GART: variants seen among roughly 807,000 people sequenced by gnomAD.
GART encodes the protein trifunctional purine biosynthetic protein adenosine-3.
A neutral mutation model predicts 107.2 loss-of-function variants in GART; 43 were observed. The ratio of observed to expected loss-of-function variants is 0.40; its 90% confidence interval spans 0.31 to 0.52. The LOEUF (loss-of-function observed/expected upper bound fraction) is 0.52. Among genes scored for constraint, GART ranks in the 20% least tolerant of loss-of-function variants. The probability of loss-of-function intolerance (pLI) is 0.52; values close to 1 mark genes in which losing one functional copy is unlikely to be tolerated. For synonymous variants in GART, 434 were observed against 427.0 expected (o/e 1.02, Z -0.20); for missense variants, 1,107 against 1,206.5 (o/e 0.92, Z 1.22).
intron 7 of GART, among the ~76,000 whole-genome samples, chr21:33,530,517 A>C (rs2085165293): frequency 6.6e-6 from 1 of 152,246 alleles, no homozygotes; most frequent in African/African-American, 2.4e-5. Context: ...AGAGGAGGGA[A>C]TAGGAGGATC....
chr21:33,517,004 G>T lies in GART; in HGVS notation c.2092C>A (p.Leu698Ile). ...ENIPRVLPEK[L>I]GVDLDAQTWR... ...GTGATCTTACCTAAATCTACCCCAA[G>T]TTTCTCAGGGAGGACTCTGGGGATG... is the stretch of plus-strand genomic sequence containing the variant. The change falls in exon 16 of 22, where the codon CTT becomes ATT. Residue 698 changes from leucine to isoleucine, a missense_variant. Physicochemically the swap from Leu to Ile is conservative, Grantham distance 5. Coordinates refer to ENST00000381815, the MANE Select transcript of GART (RefSeq NM_000819.5). 3 of 1,599,234 alleles carry T rather than the reference G, an allele frequency of 1.9e-6. No individual in the cohort carries two copies. Among genetic ancestry groups the T allele is most frequent in the Non-Finnish European group, 2.6e-6 (3 of 1,176,338 alleles).
chr21:33,514,199 T>G (rs941152708), intron 16 of GART, among the ~76,000 whole-genome samples: 5 of 152,076 alleles, frequency 3.3e-5, no homozygotes, highest in Non-Finnish European at 5.9e-5. Flanking sequence ...ACCCAGGACG[T>G]TGGGGCAATA....
chr21:33,504,255 T>G lies in GART; in HGVS notation c.2902A>C (p.Thr968Pro), dbSNP rs1304093831. Residue 968 changes from threonine to proline, a missense_variant, in exon 22 of 22, where the codon ACT becomes CCT. Physicochemically the swap from Thr to Pro is conservative, Grantham distance 38. Transcript: ENST00000381815. Reference protein sequence around the residue: ...QEAVPVKRGDTVATLSERVKL... With the variant: ...QEAVPVKRGDPVATLSERVKL... ...ACTCTTTCAGAAAGAGTTGCGACAG[T>G]ATCACCCCTCTTCACGGGAACAGCT... 4.3e-6 allele frequency: 7 copies of G among 1,614,102 alleles called. No homozygotes were observed. Among genetic ancestry groups the G allele is most frequent in the Non-Finnish European group, 5.9e-6 (7 of 1,180,038 alleles).
At chr21:33,520,017 TG>T (rs1334462516) in intron 14 of GART, among the ~76,000 whole-genome samples, 2 of 151,966 alleles carry the variant, frequency 1.3e-5, no homozygotes, top group Non-Finnish European at 2.9e-5. Flanking sequence ...GCCTGTACCG[TG>T]GGGTCAATAA....
intron 5 of GART, 64 bp from the exon 6 acceptor site, chr21:33,531,621 T>G: frequency 7.0e-7 from 1 of 1,431,864 alleles, no homozygotes; most frequent in South Asian, 1.2e-5. Flanking sequence ...TTTTGATACT[T>G]AGTTGACTTT....
intron 11 of GART, chr21:33,524,548 G>A (rs2085032775): frequency 8.1e-7 from 1 of 1,238,166 alleles, no homozygotes; most frequent in Non-Finnish European, 1.0e-6. Flanking sequence ...CAGTACCACT[G>A]TGATTTTGCT....
chr21:33,528,853 T>C lies in GART; in HGVS notation c.808A>G (p.Thr270Ala). 6.2e-7 allele frequency: 1 copy of C among 1,608,214 alleles called. No individual in the cohort carries two copies. The highest frequency in any genetic ancestry group is 1.1e-5 in the South Asian group (1 of 90,932). The change falls in exon 8 of 22, where the codon ACA becomes GCA. Residue 270 changes from threonine (T) to alanine (A), a missense_variant. Transcript: ENST00000381815. The part of the protein sequence containing the change: ...DGMQQEGTPY[T>A]GILYAGIMLT... ...ATAGTAATGTGGGTGGGCCTACCTG[T>C]ATATGGAGTACCCTCTTGCTGCATG...
intron 2 of GART, 108 bp downstream of exon 2, chr21:33,539,063 A>T: frequency 9.4e-7 from 1 of 1,062,430 alleles, no homozygotes. Context: ...TACAGGCATT[A>T]GCCACTGTGC....
Position 33,524,797 on chromosome 21 carries a change from G to A in GART, c.1270C>T (p.Arg424Cys), listed in dbSNP as rs1291732202. 2.4e-5 allele frequency: 39 copies of A among 1,614,106 alleles called. No homozygotes were observed. The highest frequency in any genetic ancestry group is 3.2e-5 in the Non-Finnish European group (38 of 1,180,040). The change falls in exon 11 of 22, where the codon CGT (arginine) becomes TGT (cysteine). Residue 424 changes from arginine (R) to cysteine (C), a missense_variant. Physicochemically the swap from Arg to Cys is radical, Grantham distance 180. Transcript: ENST00000381815. ...GAIYRKDVGF[R>C]AIAFLQQPRS... ...GGCTGCTGGAGGAAAGCTATGGCAC[G>A]AAAGCCGACGTCTTTCCTATAAATT...
intron 16 of GART, among the ~76,000 whole-genome samples, chr21:33,516,216 C>A (rs1043716800): frequency 6.9e-6 from 1 of 145,154 alleles, no homozygotes; most frequent in African/African-American, 2.6e-5. Context: ...CCACTATACT[C>A]CAGCCTGGGC....
intron 11 of GART, chr21:33,524,293 T>C: frequency 6.1e-6 from 6 of 984,540 alleles, no homozygotes; most frequent in Non-Finnish European, 7.2e-6. Context: ...CTCATGCCTA[T>C]AATCCCAGCA....
chr21:33,520,807 C>T, intron 13 of GART, 99 bp downstream of exon 13: 1 of 914,400 alleles, frequency 1.1e-6, no homozygotes, highest in South Asian at 1.6e-5. Flanking sequence ...TGGCATGGTC[C>T]TTTTTAGCTC....
upstream of GART, chr21:33,542,559 CAG>C (rs2085469833): frequency 6.4e-6 from 1 of 156,044 alleles, no homozygotes; most frequent in South Asian, 1.6e-4. Context: ...GGGGAAGACA[CAG>C]GGCAACAGCG....
In GART at chr21:33,534,758, T is replaced by G. The variant is rs1159540057; in HGVS notation, c.242-5A>C. The G allele has an allele frequency of 6.4e-7, 1 of 1,563,650 alleles. No homozygotes were observed. Among genetic ancestry groups the G allele is most frequent in the Non-Finnish European group, 8.6e-7 (1 of 1,159,654 alleles). ...ACCTCAGGTTCCCAACAATCCCTAT[T>G]GATGAAAACAGTAGCCTTAGGTGAA... On this transcript the variant is annotated splice_region_variant and splice_polypyrimidine_tract_variant and intron_variant, in intron 3 of 21. Coordinates refer to ENST00000381815, the MANE Select transcript of GART (RefSeq NM_000819.5).
At chr21:33,520,217 C>G (rs2145712375) in intron 14 of GART, 147 bp downstream of exon 14, 1 of 674,784 alleles carries the variant, frequency 1.5e-6, no homozygotes, top group South Asian at 2.0e-5. Context: ...GTAGTTTTAC[C>G]TATATTTCAT....
At chr21:33,511,609 T>C in intron 16 of GART, 151 bp from the exon 17 acceptor site, 1 of 757,184 alleles carries the variant, frequency 1.3e-6, no homozygotes, top group South Asian at 1.8e-5. Context: ...AACTTTTTAT[T>C]TGGGGATCCA....
rs954057307 is a variant in GART, at chr21:33,520,500, A to G, written c.1566T>C (p.Asn522=). 1.9e-6 allele frequency: 3 copies of G among 1,613,890 alleles called. No individual in the cohort carries two copies. Among genetic ancestry groups the G allele is most frequent in the South Asian group, 1.1e-5 (1 of 91,078 alleles). Residue 522 remains asparagine, a synonymous_variant, in exon 14 of 22, where the codon AAT becomes AAC. Transcript: ENST00000381815. ...GCTCTGCTCCTTGTGCCAGAATATC[A>G]TTAACACACATTGCTACCAAATCTT... ...IGQDLVAMCV[N]DILAQGAEPL... is the part of the protein sequence containing the mutation.
chr21:33,517,879 G>A (rs117764150), intron 14 of GART, among the ~76,000 whole-genome samples: 16 of 152,152 alleles, frequency 1.1e-4, no homozygotes, highest in Non-Finnish European at 2.1e-4. Context: ...CAGAATGAAT[G>A]CTCAGTTGAA....
At chr21:33,505,241 A>G (rs1200435684) in intron 20 of GART, among the ~76,000 whole-genome samples, 1 of 152,200 alleles carries the variant, frequency 6.6e-6, no homozygotes, top group Non-Finnish European at 1.5e-5. Context: ...GGTCTTCTGA[A>G]TATTTATTCA....
Sources: allele counts gnomAD v4.1 joint callset (sites outside exome capture counted in the v4.1 genomes callset), GRCh38; gene constraint gnomAD v4.1.1; transcripts MANE v1.5; gene names NCBI Gene and HGNC (gene_info 2026-07-23, HGNC 2026-07-21).